The following GNAQ variants were observed in gnomAD, a reference collection of about 807,000 sequenced individuals.
The protein encoded by GNAQ is G protein subunit alpha q.
Under a neutral mutation model 43.9 loss-of-function variants are expected in GNAQ, and 8 were observed. That is an observed-to-expected ratio of 0.18 (90% CI 0.11 to 0.33). The LOEUF is 0.33. Ranked by LOEUF, GNAQ falls within the 10% of genes least tolerant of loss-of-function variation. The pLI, the probability that GNAQ is intolerant of heterozygous loss-of-function variation, is 1.00. For missense variants in GNAQ, 158 were observed against 450.8 expected, an observed-to-expected ratio of 0.35 and a Z score of 5.88; for synonymous variants, 155 against 170.7, an observed-to-expected ratio of 0.91 and a Z score of 0.71.
chr9:77,875,933 G>A (rs994446688), intron 2 of GNAQ, among the ~76,000 whole-genome samples: 18 of 152,138 alleles, frequency 1.2e-4, no homozygotes, highest in African/African-American at 4.3e-4. Context: ...ATGGAGAGGT[G>A]CATGACATGC....
chr9:78,008,092 C>CA (rs2118572025), intron 1 of GNAQ, among the ~76,000 whole-genome samples: 1 of 152,270 alleles, frequency 6.6e-6, no homozygotes, highest in East Asian at 1.9e-4. Context: ...AATTTAGTGA[C>CA]AACACTGCTT....
chr9:77,719,324 A>C lies in GNAQ; in HGVS notation c.*1999T>G, dbSNP rs1405447874. On this transcript the variant is annotated 3_prime_UTR_variant, in exon 7 of 7. Transcript: ENST00000286548. ...AAAAATTAATGATTACAAAGCCAGT[A>C]TGGATGCTGCAATATCAAGAGAGAT... is the stretch of plus-strand genomic sequence containing the variant. The C allele has an allele frequency of 4.3e-6, 1 of 232,678 alleles. No homozygotes were observed. The highest frequency in any genetic ancestry group is 8.5e-6 in the Non-Finnish European group (1 of 117,758). The allele number at this position is 232,678 out of a possible 1,614,324, so 14.4% of individuals were successfully genotyped here.
chr9:77,895,208 A>AC (rs1488424773), intron 2 of GNAQ, among the ~76,000 whole-genome samples: 3 of 152,008 alleles, frequency 2.0e-5, no homozygotes, highest in African/African-American at 7.2e-5. Context: ...AAAAAAAAAA[A>AC]AAAAACAGAA....
At chr9:77,842,647 G>T (rs896558029) in intron 2 of GNAQ, among the ~76,000 whole-genome samples, 3 of 152,124 alleles carry the variant, frequency 2.0e-5, no homozygotes, top group Admixed American at 6.6e-5. Flanking sequence ...AGGATGCTGA[G>T]ACACTGAGAG....
chr9:77,843,402 G>A (rs1827523427), intron 2 of GNAQ, among the ~76,000 whole-genome samples: 1 of 152,162 alleles, frequency 6.6e-6, no homozygotes, highest in Non-Finnish European at 1.5e-5. Flanking sequence ...AGCTGGCCTG[G>A]TTTTACTGGT....
chr9:77,995,052 C>T (rs1002176364), intron 1 of GNAQ, among the ~76,000 whole-genome samples: 1 of 152,176 alleles, frequency 6.6e-6, no homozygotes, highest in Non-Finnish European at 1.5e-5. Context: ...GCTATAGCAG[C>T]TCATATTACC....
At chr9:77,790,772 C>G (rs1388284273) in intron 5 of GNAQ, among the ~76,000 whole-genome samples, 1 of 152,180 alleles carries the variant, frequency 6.6e-6, no homozygotes, top group Non-Finnish European at 1.5e-5. Context: ...GGGCAGGGGA[C>G]CTGGCCTTCA....
intron 1 of GNAQ, among the ~76,000 whole-genome samples, chr9:77,992,888 C>T (rs1338174493): frequency 4.6e-5 from 7 of 151,790 alleles, no homozygotes; most frequent in East Asian, 1.9e-4. Flanking sequence ...GAGGTTGCAG[C>T]GAGCCGAGAT....
At chr9:77,725,653 A>T (rs918640678) in intron 6 of GNAQ, among the ~76,000 whole-genome samples, 1 of 151,552 alleles carries the variant, frequency 6.6e-6, no homozygotes, top group African/African-American at 2.4e-5. Flanking sequence ...TGGAAGGAAA[A>T]TGCTTGTAGT....
intron 1 of GNAQ, among the ~76,000 whole-genome samples, chr9:77,986,804 T>C (rs962767489): frequency 1.8e-3 from 103 of 56,978 alleles, no homozygotes; most frequent in African/African-American, 8.5e-3. Context: ...CACCTGGCCC[T>C]TTTTTTTTTT....
intron 1 of GNAQ, among the ~76,000 whole-genome samples, chr9:77,973,742 T>C (rs574373720): frequency 4.8e-4 from 73 of 152,186 alleles, no homozygotes; most frequent in South Asian, 8.3e-4. Flanking sequence ...CGCTTGAATG[T>C]GGGAGGCACA....
rs1286845612 is a variant in GNAQ at position 77,717,033 on chromosome 9, A to G, written c.*4290T>C. 1 of 232,706 alleles carries G rather than the reference A, an allele frequency of 4.3e-6. No homozygotes were observed. The highest frequency in any genetic ancestry group is 8.5e-6 in the Non-Finnish European group (1 of 117,794). 14.4% of individuals were successfully genotyped at this position (232,706 alleles called of 1,614,324 possible). On this transcript the variant is annotated 3_prime_UTR_variant, in exon 7 of 7. Coordinates refer to ENST00000286548, the MANE Select transcript of GNAQ (RefSeq NM_002072.5). ...CAGGTGTCTGGCTCCAAAAATCTCTAGCTAATCATATACAACTAAGCCATT... is the reference window on the plus strand; with the variant it reads ...CAGGTGTCTGGCTCCAAAAATCTCTGGCTAATCATATACAACTAAGCCATT...
chr9:77,799,261 A>C (rs1826705933), intron 3 of GNAQ, among the ~76,000 whole-genome samples: 1 of 152,240 alleles, frequency 6.6e-6, no homozygotes, highest in Admixed American at 6.5e-5. Context: ...GGGACCCTTA[A>C]TAGAAATGGA....
intron 1 of GNAQ, among the ~76,000 whole-genome samples, chr9:77,931,471 G>A (rs1051539452): frequency 6.6e-6 from 1 of 151,886 alleles, no homozygotes; most frequent in African/African-American, 2.4e-5. Flanking sequence ...AGCACCTGTG[G>A]TCCCAGCTAC....
intron 2 of GNAQ, among the ~76,000 whole-genome samples, chr9:77,878,903 G>A (rs951716775): frequency 6.6e-6 from 1 of 151,822 alleles, no homozygotes; most frequent in Non-Finnish European, 1.5e-5. Flanking sequence ...AAAATTAGTC[G>A]AGCGTGGTGG....
chr9:77,897,691 T>C (rs868487385), intron 2 of GNAQ, among the ~76,000 whole-genome samples: 1 of 152,118 alleles, frequency 6.6e-6, no homozygotes. Context: ...GTTTATAGTC[T>C]ACAAATTGAA....
At chr9:77,751,625 T>G (rs2118294161) in intron 5 of GNAQ, among the ~76,000 whole-genome samples, 1 of 152,268 alleles carries the variant, frequency 6.6e-6, no homozygotes, top group South Asian at 2.1e-4. Context: ...ACAACCTCAC[T>G]TAAAGCAATG....
At chr9:78,030,900 T>C (rs1587470050) in intron 1 of GNAQ, among the ~76,000 whole-genome samples, 200 bp downstream of exon 1, 2 of 150,990 alleles carry the variant, frequency 1.3e-5, no homozygotes, top group Admixed American at 1.3e-4. Flanking sequence ...TGTGTGTGTG[T>C]GTGTGTGTGT....
chr9:77,974,673 G>A (rs1304824436), intron 1 of GNAQ, among the ~76,000 whole-genome samples: 1 of 152,142 alleles, frequency 6.6e-6, no homozygotes, highest in East Asian at 1.9e-4. Flanking sequence ...TGCTATAGCT[G>A]CTCACACAGA....
Sources: gnomAD v4.1 joint callset for allele counts (sites outside exome capture counted in the v4.1 genomes callset) on GRCh38, gnomAD v4.1.1 for gene constraint, MANE v1.5 for transcripts, NCBI Gene and HGNC (gene_info 2026-07-23, HGNC 2026-07-21) for gene names.